Variants in ESRRG observed in about 807,000 individuals in gnomAD.
ESRRG encodes the protein estrogen related receptor gamma, also known as estrogen-related receptor gamma.
In ESRRG, 13 loss-of-function variants were observed where a neutral mutation model predicts 44.0. The ratio of observed to expected loss-of-function variants is 0.30; its 90% CI spans 0.19 to 0.47. The LOEUF is 0.47. Among genes scored for constraint, ESRRG ranks in the 20% least tolerant of loss-of-function variants. ESRRG has a pLI of 1.00. For synonymous variants in ESRRG, 215 were observed against 214.6 expected (o/e 1.00, Z -0.02); for missense variants, 395 against 580.6 (o/e 0.68, Z 3.29).
chr1:216,867,259 A>G (rs1189067083), intron 2 of ESRRG, among the ~76,000 whole-genome samples: 1 of 152,176 alleles, frequency 6.6e-6, no homozygotes, highest in Non-Finnish European at 1.5e-5. Flanking sequence ...GGGAGATATA[A>G]TTTAATTCAA....
intron 3 of ESRRG, among the ~76,000 whole-genome samples, chr1:216,579,090 T>G (rs2062227868): frequency 6.6e-6 from 1 of 152,166 alleles, no homozygotes; most frequent in Non-Finnish European, 1.5e-5. Context: ...CTGTTCAATT[T>G]ATTTCCATCT....
At position 216,730,305 on chromosome 1, in the gene ESRRG, TAA is replaced by T. The variant is rs11445965; in HGVS notation, c.-13-52816_-13-52815del. On this transcript the variant is annotated intron_variant, in intron 2 of 7. Transcript: ENST00000359162. ...TACTTTCTCCAAAAGCTTAGAAAGG[TAA>T]AAAAAAAAAAAAAAAGAAAGAAAAA... 6.8e-4 allele frequency among the ~76,000 whole-genome samples: 83 copies of T among 121,418 alleles called. 1 individual carries two copies. The highest frequency in any genetic ancestry group is 1.9e-3 in the African/African-American group (61 of 32,340). The allele number at this position is 121,418 out of a possible 152,430, so 79.7% of individuals were successfully genotyped here.
chr1:216,773,822 T>G (rs928334492), intron 2 of ESRRG, among the ~76,000 whole-genome samples: 1 of 152,090 alleles, frequency 6.6e-6, no homozygotes, highest in African/African-American at 2.4e-5. Context: ...TGAGAAGGCC[T>G]TTATAAATCA....
At chr1:216,941,904 ATTTTG>A (rs1384603797) in intron 1 of ESRRG, among the ~76,000 whole-genome samples, 1 of 151,870 alleles carries the variant, frequency 6.6e-6, no homozygotes, top group African/African-American at 2.4e-5. Context: ...AACCAGTTTT[ATTTTG>A]TTTTATTTTA....
At chr1:216,797,229 C>T (rs528594308) in intron 2 of ESRRG, among the ~76,000 whole-genome samples, 1 of 152,162 alleles carries the variant, frequency 6.6e-6, no homozygotes, top group Non-Finnish European at 1.5e-5. Flanking sequence ...GTACATTTGC[C>T]ACAAATAACA....
At chr1:216,779,187 A>ATATATT (rs1553603057) in intron 2 of ESRRG, among the ~76,000 whole-genome samples, 1 of 81,356 alleles carries the variant, frequency 1.2e-5, no homozygotes, top group South Asian at 3.9e-4. Flanking sequence ...TTATATAAAT[A>ATATATT]TATATTTATA....
At chr1:216,945,282 A>T (rs2065887627) in intron 1 of ESRRG, among the ~76,000 whole-genome samples, 1 of 152,148 alleles carries the variant, frequency 6.6e-6, no homozygotes, top group East Asian at 1.9e-4. Flanking sequence ...GCATTTGCTC[A>T]ATCAGTACCT....
intron 1 of ESRRG, among the ~76,000 whole-genome samples, chr1:217,082,534 A>G (rs1057443236): frequency 1.7e-4 from 26 of 152,164 alleles, no homozygotes; most frequent in African/African-American, 5.8e-4. Flanking sequence ...TTCTCATAAC[A>G]CACTGTCCTT....
chr1:217,091,619 C>T (rs1166852002), upstream of ESRRG, among the ~76,000 whole-genome samples: 1 of 152,176 alleles, frequency 6.6e-6, no homozygotes, highest in African/African-American at 2.4e-5. Flanking sequence ...CTATGTCTCT[C>T]CACCTTGAAA....
intron 5 of ESRRG, among the ~76,000 whole-genome samples, chr1:216,557,435 A>AAACCT (rs2057811178): frequency 1.3e-5 from 2 of 152,134 alleles, no homozygotes; most frequent in African/African-American, 4.8e-5. Flanking sequence ...AAACCAAACC[A>AAACCT]AACCAAAACA....
Position 216,535,071 on chromosome 1 carries a change from TA to T in ESRRG, c.863-15651del, listed in dbSNP as rs576143288. 8.5e-5 allele frequency among the ~76,000 whole-genome samples: 13 copies of T among 152,216 alleles called. No homozygotes were observed. In the East Asian group the frequency reaches 2.5e-3, roughly 30 times the overall value. The stretch of plus-strand genomic sequence containing the variant: ...GAGAGTTAGGGTGTATGGGTGTATG[TA>T]AGAGGCAAGGGTGTTCATAGGCAAA... On this transcript the variant is annotated intron_variant, in intron 5 of 6. Coordinates refer to ENST00000408911, the MANE Select transcript of ESRRG (RefSeq NM_001438.4).
At chr1:216,622,567 C>T (rs890745858) in intron 3 of ESRRG, among the ~76,000 whole-genome samples, 1 of 151,394 alleles carries the variant, frequency 6.6e-6, no homozygotes, top group Non-Finnish European at 1.5e-5. Flanking sequence ...AGGTATGTTT[C>T]TTCTTTTTAT....
chr1:217,073,104 C>T (rs2090777027), intron 1 of ESRRG, among the ~76,000 whole-genome samples: 1 of 144,468 alleles, frequency 6.9e-6, no homozygotes, highest in Non-Finnish European at 1.5e-5. Flanking sequence ...AGTCATCCAC[C>T]TTGCAGCTGT....
intron 2 of ESRRG, among the ~76,000 whole-genome samples, chr1:216,790,139 TAAC>T (rs1559647595): frequency 3.3e-5 from 5 of 152,136 alleles, no homozygotes; most frequent in Non-Finnish European, 7.4e-5. Flanking sequence ...ATCTCCTAAA[TAAC>T]TGTGAGGAAC....
chr1:216,963,297 A>G (rs959533089), intron 1 of ESRRG, among the ~76,000 whole-genome samples: 2 of 152,170 alleles, frequency 1.3e-5, no homozygotes, highest in African/African-American at 2.4e-5. Flanking sequence ...GGGAAGCGAC[A>G]GAGTTGGTTT....
chr1:216,732,849 A>AT (rs1559448486), intron 2 of ESRRG, among the ~76,000 whole-genome samples: 1 of 134,558 alleles, frequency 7.4e-6, no homozygotes, highest in African/African-American at 2.8e-5. Flanking sequence ...AAAAAAAAAA[A>AT]GGGGGGGGAG....
chr1:216,693,013 G>T (rs543536173), intron 1 of ESRRG, among the ~76,000 whole-genome samples: 2 of 152,310 alleles, frequency 1.3e-5, no homozygotes, highest in Admixed American at 1.3e-4. Flanking sequence ...CTGTATACAT[G>T]CAATGCTTAA....
At chr1:216,920,306 C>T (rs373819035) in intron 2 of ESRRG, among the ~76,000 whole-genome samples, 127 of 151,466 alleles carry the variant, frequency 8.4e-4, no homozygotes, top group African/African-American at 2.9e-3. Flanking sequence ...TAGAGTTGAT[C>T]AAGATAATCA....
intron 1 of ESRRG, among the ~76,000 whole-genome samples, chr1:216,704,023 G>GA (rs1301777326): frequency 2.0e-5 from 3 of 152,010 alleles, no homozygotes; most frequent in Non-Finnish European, 4.4e-5. Context: ...AAAAAGTATT[G>GA]AAAAAATATA....
Sources: allele counts gnomAD v4.1 joint callset (sites outside exome capture counted in the v4.1 genomes callset), GRCh38; gene constraint gnomAD v4.1.1; transcripts MANE v1.5; gene names NCBI Gene and HGNC (gene_info 2026-07-23, HGNC 2026-07-21).